Variants in PIWIL1 observed in about 807,000 individuals in gnomAD.
PIWIL1 encodes the protein piwi like RNA-mediated gene silencing 1.
Under a neutral mutation model 114.4 loss-of-function variants are expected in PIWIL1, and 73 were observed. The observed-to-expected ratio is 0.64, with a 90% CI of 0.53 to 0.78. The LOEUF is 0.78. Ranked by LOEUF, PIWIL1 falls within the 30% of genes least tolerant of loss-of-function variation. The pLI is 0.00. For missense variants in PIWIL1, 723 were observed against 1,063.1 expected (o/e 0.68, Z 4.45); for synonymous variants, 375 against 369.0 (o/e 1.02, Z -0.19).
the PIWIL1 span, among the ~76,000 whole-genome samples, chr12:130,386,228 G>C: frequency 6.6e-6 from 1 of 152,062 alleles, no homozygotes; most frequent in South Asian, 2.1e-4. Context: ...CAGAATTGGA[G>C]CTGTCATAAT....
the PIWIL1 span, chr12:130,424,363 C>T: frequency 1.9e-5 from 24 of 1,232,556 alleles, no homozygotes; most frequent in East Asian, 3.8e-4. This position sits in a 1 kb window ranked among gnomAD's most constrained non-coding sequence, Gnocchi z 9.8. Flanking sequence ...TCCTCCTCCA[C>T]GCTGCTCTGC....
rs2073075060 is a variant in PIWIL1, at chr12:130,346,585, G to T, written c.531+1G>T. The T allele has an allele frequency of 6.2e-7, 1 of 1,608,750 alleles. No individual in the cohort carries two copies. Among genetic ancestry groups the T allele is most frequent in the South Asian group, 1.1e-5 (1 of 90,972 alleles). The stretch of plus-strand genomic sequence containing the variant: ...TTTACCTAAAAGACTACAGCAAAAG[G>T]TTATTTGGGAAAAGGGAGATGGGGG... On this transcript the variant is annotated splice_donor_variant, in intron 5 of 20. Transcript: ENST00000245255. LOFTEE classifies it high-confidence loss of function.
At chr12:130,370,375 C>T (rs1440917277) in intron 19 of PIWIL1, among the ~76,000 whole-genome samples, 1 of 152,150 alleles carries the variant, frequency 6.6e-6, no homozygotes, top group Non-Finnish European at 1.5e-5. Flanking sequence ...CTGTACTAAG[C>T]ATGTGCAGAC....
downstream of PIWIL1, among the ~76,000 whole-genome samples, chr12:130,374,664 G>C (rs1215269536): frequency 6.6e-6 from 1 of 152,138 alleles, no homozygotes; most frequent in Non-Finnish European, 1.5e-5. Flanking sequence ...CTCTGCCCTC[G>C]TCCATCGCAG....
chr12:130,407,980 C>T, the PIWIL1 span: 6 of 690,694 alleles, frequency 8.7e-6, no homozygotes, highest in African/African-American at 5.3e-5. Flanking sequence ...CATCAGCAAA[C>T]GTCTCTACTT....
At chr12:130,407,937 C>T in the PIWIL1 span, 2 of 971,532 alleles carry the variant, frequency 2.1e-6, no homozygotes, top group Non-Finnish European at 3.3e-6. Context: ...AGACCTGGCA[C>T]TGCTAACAGG....
downstream of PIWIL1, among the ~76,000 whole-genome samples, chr12:130,375,026 C>G (rs1304696683): frequency 6.6e-6 from 1 of 152,072 alleles, no homozygotes; most frequent in African/African-American, 2.4e-5. Context: ...TTTCCAGACA[C>G]CCCGACCCCC....
chr12:130,347,929 C>T (rs1423901748), intron 6 of PIWIL1, among the ~76,000 whole-genome samples, 174 bp from the exon 7 acceptor site: 5 of 152,118 alleles, frequency 3.3e-5, no homozygotes, highest in Non-Finnish European at 7.4e-5. Flanking sequence ...TTTCCAACCT[C>T]AAAGATATTT....
At chr12:130,414,067 C>T in the PIWIL1 span, 1 of 1,566,250 alleles carries the variant, frequency 6.4e-7, no homozygotes, top group South Asian at 1.1e-5. Flanking sequence ...TCTCTGCCCC[C>T]ATGACCCAGA....
intron 14 of PIWIL1, among the ~76,000 whole-genome samples, chr12:130,358,464 T>A (rs2073424461): frequency 1.3e-5 from 2 of 152,168 alleles, no homozygotes; most frequent in South Asian, 4.1e-4. Context: ...TATTTCCTTT[T>A]CTGAACAGAT....
At chr12:130,343,327 C>G (rs2072977044) in intron 3 of PIWIL1, among the ~76,000 whole-genome samples, 1 of 152,126 alleles carries the variant, frequency 6.6e-6, no homozygotes, top group African/African-American at 2.4e-5. Context: ...AATGGTTACT[C>G]AGGATTGCAA....
At chr12:130,351,899 G>A (rs1336133694) in intron 9 of PIWIL1, among the ~76,000 whole-genome samples, 1 of 152,090 alleles carries the variant, frequency 6.6e-6, no homozygotes, top group Non-Finnish European at 1.5e-5. Flanking sequence ...CCCCCCAGAA[G>A]TGATGTGGCA....
chr12:130,397,488 G>A, the PIWIL1 span: 5 of 398,876 alleles, frequency 1.3e-5, no homozygotes, highest in African/African-American at 8.2e-5. Flanking sequence ...AGGTGACCCC[G>A]AATGGAGATG....
intron 12 of PIWIL1, 81 bp from the exon 13 acceptor site, chr12:130,356,837 T>C (rs532703281): frequency 1.0e-6 from 1 of 953,192 alleles, no homozygotes; most frequent in Admixed American, 2.5e-5. Context: ...AAATATGCCA[T>C]GGTAGAATTA....
the PIWIL1 span, chr12:130,399,728 G>A: frequency 6.2e-7 from 1 of 1,614,190 alleles, no homozygotes; most frequent in Non-Finnish European, 8.5e-7. Context: ...GTGGGATGGA[G>A]CATCAGAAAG....
At chr12:130,381,363 T>C in the PIWIL1 span, among the ~76,000 whole-genome samples, 1 of 152,334 alleles carries the variant, frequency 6.6e-6, no homozygotes, top group East Asian at 1.9e-4. Flanking sequence ...TAACCACTCA[T>C]GTTTTCACTG....
chr12:130,421,725 T>TGTGTGTGTG, the PIWIL1 span, among the ~76,000 whole-genome samples: 1 of 88,084 alleles, frequency 1.1e-5, no homozygotes, highest in East Asian at 3.1e-4. Context: ...GTGTGTGTGT[T>TGTGTGTGTG]TTCATAGAAG....
chr12:130,422,140 G>A, the PIWIL1 span, among the ~76,000 whole-genome samples: 1,017 of 152,292 alleles, frequency 6.7e-3, 8 homozygotes, highest in African/African-American at 0.023. The surrounding 1 kb of genome is among the most constrained non-coding windows in gnomAD (Gnocchi z 5.2). Context: ...GACCCTGAGT[G>A]TCCCAGGGAG....
At chr12:130,345,243 C>T (rs2073040798) in intron 3 of PIWIL1, 1 of 152,980 alleles carries the variant, frequency 6.5e-6, no homozygotes, top group Non-Finnish European at 1.5e-5. Context: ...GAAATCCATT[C>T]TTCTGATTCT....
Sources: gnomAD v4.1 joint callset for allele counts (sites outside exome capture counted in the v4.1 genomes callset) on GRCh38, gnomAD v4.1.1 for gene constraint, Gnocchi (gnomAD v3.1) non-coding constraint, MANE v1.5 for transcripts, NCBI Gene and HGNC (gene_info 2026-07-23, HGNC 2026-07-21) for gene names.